PAK5: variants seen among roughly 807,000 people sequenced by gnomAD.
The protein encoded by PAK5 is serine/threonine-protein kinase PAK 5.
In PAK5, 16 loss-of-function variants were observed where a neutral mutation model predicts 65.9. That is an observed-to-expected ratio of 0.24 (90% confidence interval 0.16 to 0.37). The LOEUF (loss-of-function observed/expected upper bound fraction) is 0.37, where lower values mean the gene tolerates loss of function less well. Ranked by LOEUF, PAK5 falls within the 10% of genes least tolerant of loss-of-function variation. PAK5 has a pLI of 1.00. For missense variants in PAK5, 785 were observed against 903.9 expected, an observed-to-expected ratio of 0.87 and a Z score of 1.69; for synonymous variants, 371 against 354.9, an observed-to-expected ratio of 1.05 and a Z score of -0.51.
intron 1 of PAK5, among the ~76,000 whole-genome samples, chr20:9,810,097 C>T (rs190809549): frequency 1.3e-5 from 2 of 152,150 alleles, no homozygotes; most frequent in African/African-American, 4.8e-5. Context: ...CTTCCAGGCT[C>T]CTTCCACCTG....
At chr20:9,629,155 C>T (rs1467368141) in intron 3 of PAK5, among the ~76,000 whole-genome samples, 2 of 152,186 alleles carry the variant, frequency 1.3e-5, no homozygotes, top group Non-Finnish European at 2.9e-5. Flanking sequence ...GCCCAGCTGA[C>T]ACCTGAATTT....
intron 1 of PAK5, among the ~76,000 whole-genome samples, chr20:9,771,430 A>G (rs1287848111): frequency 6.6e-6 from 1 of 150,916 alleles, no homozygotes; most frequent in Non-Finnish European, 1.5e-5. Flanking sequence ...TTTTTCTGAG[A>G]TAGGGTCTTG....
Position 9,687,339 on chromosome 20 carries a change from A to C in PAK5, c.-12+23947T>G, listed in dbSNP as rs147834949. ...GCTTGAGTCACATCATCCCTCCTGG[A>C]TATCTTCAAATGACACTTTAACTTG... On this transcript the variant is annotated intron_variant, in intron 2 of 9. Coordinates refer to ENST00000353224, the MANE Select transcript of PAK5 (RefSeq NM_177990.4). 2.5e-3 allele frequency among the ~76,000 whole-genome samples: 380 copies of C among 152,320 alleles called. 2 individuals carry two copies. Among genetic ancestry groups the C allele is most frequent in the African/African-American group, 8.8e-3 (364 of 41,564 alleles).
intron 3 of PAK5, among the ~76,000 whole-genome samples, chr20:9,594,280 G>T (rs2046225921): frequency 6.6e-6 from 1 of 152,142 alleles, no homozygotes; most frequent in African/African-American, 2.4e-5. Context: ...ATCACAATCT[G>T]CATTTTAACA....
chr20:9,754,485 G>A lies in PAK5; in HGVS notation c.-161-43050C>T, dbSNP rs2048611211. Among the ~76,000 whole-genome samples, 2 of 152,118 alleles carry A rather than the reference G, an allele frequency of 1.3e-5. 1 individual carries two copies. The highest frequency in any genetic ancestry group is 4.8e-5 in the African/African-American group (2 of 41,438). ...AATTTACTGATTTGGGTGGTGCCAG[G>A]TGATCCATTGAGTGCAAGGTCTGAA... is the stretch of plus-strand genomic sequence containing the variant. On this transcript the variant is annotated intron_variant, in intron 1 of 9. Transcript: ENST00000353224.
chr20:9,672,232 A>G (rs1156780866), intron 2 of PAK5, among the ~76,000 whole-genome samples: 1 of 151,494 alleles, frequency 6.6e-6, no homozygotes, highest in Non-Finnish European at 1.5e-5. Context: ...ACATGACAAT[A>G]ACTGGAAATG....
At chr20:9,585,181 A>T (rs1053311901) in intron 3 of PAK5, among the ~76,000 whole-genome samples, 2 of 152,162 alleles carry the variant, frequency 1.3e-5, no homozygotes, top group African/African-American at 4.8e-5. Flanking sequence ...TATTCCAATT[A>T]TTCTTTCTTG....
chr20:9,644,930 G>A (rs1179798922), intron 2 of PAK5, among the ~76,000 whole-genome samples: 1 of 152,176 alleles, frequency 6.6e-6, no homozygotes, highest in East Asian at 1.9e-4. Flanking sequence ...AGTACACAGG[G>A]AGAAACATTT....
At chr20:9,773,350 T>G (rs1223297385) in intron 1 of PAK5, among the ~76,000 whole-genome samples, 1 of 152,140 alleles carries the variant, frequency 6.6e-6, no homozygotes, top group Admixed American at 6.5e-5. Flanking sequence ...TAACTCATCA[T>G]TTATATTAGG....
At chr20:9,737,034 A>G (rs1375459987) in intron 1 of PAK5, among the ~76,000 whole-genome samples, 1 of 152,108 alleles carries the variant, frequency 6.6e-6, no homozygotes, top group African/African-American at 2.4e-5. Context: ...ATCAATCTAG[A>G]GTTCTATGTC....
At chr20:9,830,040 G>A (rs931228188) in intron 1 of PAK5, among the ~76,000 whole-genome samples, 30 of 152,230 alleles carry the variant, frequency 2.0e-4, no homozygotes, top group Middle Eastern at 3.4e-3. Context: ...TGAATTCCAA[G>A]GTCCCAGCTA....
At chr20:9,683,048 A>G (rs1290246269) in intron 2 of PAK5, among the ~76,000 whole-genome samples, 1 of 152,244 alleles carries the variant, frequency 6.6e-6, no homozygotes, top group Non-Finnish European at 1.5e-5. Flanking sequence ...AGTTGGGCTG[A>G]TACTCTTCCC....
At chr20:9,593,212 G>C (rs1188091810) in intron 3 of PAK5, among the ~76,000 whole-genome samples, 2 of 152,062 alleles carry the variant, frequency 1.3e-5, no homozygotes, top group East Asian at 1.9e-4. Flanking sequence ...GCTGAGGTCG[G>C]AGGATCCCTT....
At position 9,635,871 on chromosome 20, in the gene PAK5, G is replaced by C. The variant is rs562034609; in HGVS notation, c.204+8254C>G. Among the ~76,000 whole-genome samples the C allele has an allele frequency of 1.2e-3, 177 of 152,286 alleles. 1 individual carries two copies. The highest frequency in any genetic ancestry group is 4.1e-3 in the African/African-American group (169 of 41,552). On this transcript the variant is annotated intron_variant, in intron 3 of 9. Transcript: ENST00000353224. ...AGCTTTAAGAAGAGACCTGTTAAGG[G>C]AGCCAGAAAAGTCATGAGGGGGCAG...
At chr20:9,789,056 T>C (rs575398779) in intron 1 of PAK5, among the ~76,000 whole-genome samples, 87 of 152,280 alleles carry the variant, frequency 5.7e-4, no homozygotes, top group African/African-American at 2.0e-3. Flanking sequence ...GTGAAGAGGG[T>C]TCCTAGCTGA....
At chr20:9,819,248 G>C (rs1230006662) in intron 1 of PAK5, among the ~76,000 whole-genome samples, 1 of 152,118 alleles carries the variant, frequency 6.6e-6, no homozygotes, top group African/African-American at 2.4e-5. Flanking sequence ...TTTAATTTCA[G>C]ACTAAATCAG....
intron 3 of PAK5, among the ~76,000 whole-genome samples, chr20:9,598,141 C>T (rs953335841): frequency 1.3e-5 from 2 of 152,102 alleles, no homozygotes; most frequent in Non-Finnish European, 2.9e-5. Flanking sequence ...TGTGTTGTTC[C>T]TGGCCTATCT....
chr20:9,768,821 G>GAAAAAAAAA (rs559609473), intron 1 of PAK5, among the ~76,000 whole-genome samples: 1 of 101,446 alleles, frequency 9.9e-6, no homozygotes, highest in African/African-American at 3.6e-5. Context: ...GGGAAAGAAA[G>GAAAAAAAAA]AAAAAAAAAA....
chr20:9,764,788 A>G (rs1311180941), intron 1 of PAK5, among the ~76,000 whole-genome samples: 2 of 152,198 alleles, frequency 1.3e-5, no homozygotes, highest in Non-Finnish European at 2.9e-5. Flanking sequence ...ATTTTTCTAG[A>G]GTAACTGGAT....
Sources: allele counts gnomAD v4.1 joint callset (sites outside exome capture counted in the v4.1 genomes callset), GRCh38; gene constraint gnomAD v4.1.1; transcripts MANE v1.5; gene names NCBI Gene and HGNC (gene_info 2026-07-23, HGNC 2026-07-21).